Variants in KCNH7 observed in about 807,000 individuals in gnomAD.
KCNH7 encodes the protein potassium voltage-gated channel subfamily H member 7, also known as voltage-gated inwardly rectifying potassium channel KCNH7.
KCNH7 carries 49 observed loss-of-function variants against 120.8 expected under a neutral mutation model. The observed-to-expected ratio is 0.41, with a 90% CI of 0.32 to 0.51. The LOEUF (loss-of-function observed/expected upper bound fraction) is 0.51. KCNH7 is among the 20% of genes least tolerant of loss of function. KCNH7 has a pLI of 0.38. For synonymous variants in KCNH7, 547 were observed against 516.1 expected (o/e 1.06, Z -0.81); for missense variants, 1,097 against 1,446.6 (o/e 0.76, Z 3.92).
At chr2:162,830,857 G>T (rs1026094536) in intron 2 of KCNH7, among the ~76,000 whole-genome samples, 3 of 152,238 alleles carry the variant, frequency 2.0e-5, no homozygotes, top group East Asian at 1.9e-4. Context: ...ACCTGCTGAT[G>T]CCTTGATCTT....
intron 2 of KCNH7, among the ~76,000 whole-genome samples, chr2:162,687,040 CACCA>C (rs1685917245): frequency 1.3e-5 from 2 of 152,132 alleles, no homozygotes; most frequent in South Asian, 2.1e-4. Flanking sequence ...AGCAGCAACA[CACCA>C]AAAAGCGAGT....
At chr2:162,572,185 C>T (rs1693503934) in intron 2 of KCNH7, among the ~76,000 whole-genome samples, 2 of 151,916 alleles carry the variant, frequency 1.3e-5, no homozygotes, top group African/African-American at 4.8e-5. Context: ...ATAATGAGCT[C>T]CAACAAATTT....
intron 2 of KCNH7, among the ~76,000 whole-genome samples, chr2:162,639,950 C>A (rs1399007053): frequency 6.6e-6 from 1 of 152,024 alleles, no homozygotes; most frequent in Admixed American, 6.6e-5. Context: ...AATGTAACAC[C>A]ATTTCCAATC....
intron 6 of KCNH7, among the ~76,000 whole-genome samples, chr2:162,455,094 C>G (rs1410064522): frequency 6.6e-6 from 1 of 151,922 alleles, no homozygotes; most frequent in African/African-American, 2.4e-5. Context: ...TAGCTCTTAT[C>G]ATTTTGAGAT....
At chr2:162,634,683 T>C (rs1227851130) in intron 2 of KCNH7, among the ~76,000 whole-genome samples, 2 of 152,038 alleles carry the variant, frequency 1.3e-5, no homozygotes, top group Non-Finnish European at 2.9e-5. Flanking sequence ...GTCTGTGTGC[T>C]TAGTATTCTT....
intron 2 of KCNH7, among the ~76,000 whole-genome samples, chr2:162,759,448 C>T (rs1454605458): frequency 1.9e-4 from 29 of 152,022 alleles, no homozygotes; most frequent in Non-Finnish European, 7.4e-5. Context: ...AATCACGGTA[C>T]ATTTTCAGTG....
chr2:162,567,922 A>G (rs1361733859), intron 2 of KCNH7, among the ~76,000 whole-genome samples: 3 of 151,996 alleles, frequency 2.0e-5, no homozygotes, highest in Non-Finnish European at 4.4e-5. Context: ...AATACTTACC[A>G]TTGTTTTACA....
At chr2:162,477,615 C>T (rs1000227922) in intron 6 of KCNH7, among the ~76,000 whole-genome samples, 1 of 152,150 alleles carries the variant, frequency 6.6e-6, no homozygotes, top group African/African-American at 2.4e-5. Flanking sequence ...AAGAAGCAAA[C>T]ATATTATAAA....
rs563079834 is a variant in KCNH7, at chr2:162,450,602, G to A, written c.1129-4159C>T. On this transcript the variant is annotated intron_variant, in intron 6 of 15. Transcript: ENST00000332142. ...ATTAGGTAATCATCTTAATGATTCA[G>A]AAGATTCTTATATTTATTGTTTTAA... is the stretch of plus-strand genomic sequence containing the variant. Among the ~76,000 whole-genome samples the A allele has an allele frequency of 1.2e-4, 18 of 152,156 alleles. No homozygotes were observed. The East Asian group carries it at 3.5e-3, about 29-fold the overall frequency.
intron 2 of KCNH7, among the ~76,000 whole-genome samples, chr2:162,599,744 A>G (rs1461560443): frequency 1.3e-5 from 2 of 152,044 alleles, no homozygotes; most frequent in Admixed American, 1.3e-4. Context: ...TTATTAACAA[A>G]ATTATATACT....
intron 2 of KCNH7, among the ~76,000 whole-genome samples, chr2:162,559,654 A>ACTTAACATCTT (rs1205509635): frequency 6.6e-6 from 1 of 152,166 alleles, no homozygotes; most frequent in African/African-American, 2.4e-5. Context: ...TAACCTCTTC[A>ACTTAACATCTT]CAACTTAAGC....
chr2:162,385,735 C>T (rs941302311), intron 12 of KCNH7, among the ~76,000 whole-genome samples: 4 of 151,926 alleles, frequency 2.6e-5, no homozygotes, highest in Non-Finnish European at 4.4e-5. Context: ...ACCAACAAAA[C>T]GCCAGAAGGT....
At chr2:162,541,967 A>T (rs76189863) in intron 2 of KCNH7, among the ~76,000 whole-genome samples, 2,404 of 152,206 alleles carry the variant, frequency 0.016, 61 homozygotes, top group East Asian at 0.095. Flanking sequence ...CTTGAAATTC[A>T]GTCTTTTGGA....
intron 2 of KCNH7, among the ~76,000 whole-genome samples, chr2:162,823,092 C>T (rs1428431719): frequency 1.1e-4 from 17 of 152,164 alleles, no homozygotes; most frequent in Admixed American, 1.0e-3. Context: ...GTGCTGAGCA[C>T]ACAGGCTCTA....
chr2:162,719,372 T>C (rs1334022752), intron 2 of KCNH7, among the ~76,000 whole-genome samples: 1 of 152,072 alleles, frequency 6.6e-6, no homozygotes. Flanking sequence ...GTTTTTTCAT[T>C]TGTTTATTCT....
At chr2:162,458,827 G>C (rs1197626709) in intron 6 of KCNH7, among the ~76,000 whole-genome samples, 2 of 151,804 alleles carry the variant, frequency 1.3e-5, no homozygotes, top group East Asian at 3.9e-4. Flanking sequence ...AACATAGTGA[G>C]ACTTTGTTTC....
At chr2:162,528,561 C>T (rs532428802) in intron 3 of KCNH7, among the ~76,000 whole-genome samples, 4 of 151,850 alleles carry the variant, frequency 2.6e-5, no homozygotes, top group African/African-American at 9.7e-5. Flanking sequence ...TTCAAGGAAC[C>T]CGCACTAAAA....
chr2:162,765,342 C>T (rs1216387774), intron 2 of KCNH7, among the ~76,000 whole-genome samples: 1 of 152,156 alleles, frequency 6.6e-6, no homozygotes, highest in Non-Finnish European at 1.5e-5. Flanking sequence ...CATCAGCTTA[C>T]TTCTGACATT....
chr2:162,771,352 C>A (rs1412612724), intron 2 of KCNH7, among the ~76,000 whole-genome samples: 1 of 152,066 alleles, frequency 6.6e-6, no homozygotes, highest in Non-Finnish European at 1.5e-5. Context: ...TGCAACTTGG[C>A]TTTTGTGAGT....
Sources: allele counts gnomAD v4.1 joint callset (sites outside exome capture counted in the v4.1 genomes callset), GRCh38; gene constraint gnomAD v4.1.1; transcripts MANE v1.5; gene names NCBI Gene and HGNC (gene_info 2026-07-23, HGNC 2026-07-21).